HIVEP3: variants seen among roughly 807,000 people sequenced by gnomAD.
HIVEP3 encodes the protein transcription factor HIVEP3.
HIVEP3 carries 49 observed loss-of-function variants against 152.8 expected under a neutral mutation model. The observed-to-expected ratio is 0.32, with a 90% confidence interval of 0.26 to 0.41. HIVEP3 has a LOEUF of 0.41. HIVEP3 is among the 10% of genes least tolerant of loss of function. The probability of loss-of-function intolerance (pLI) is 1.00; values close to 1 mark genes in which losing one functional copy is unlikely to be tolerated. For missense variants in HIVEP3, 2,790 were observed against 3,103.3 expected, an observed-to-expected ratio of 0.90 and a Z score of 2.40; for synonymous variants, 1,269 against 1,289.0, an observed-to-expected ratio of 0.98 and a Z score of 0.33.
At chr1:41,963,074 C>T (rs556964359) in intron 1 of HIVEP3, among the ~76,000 whole-genome samples, 6 of 152,272 alleles carry the variant, frequency 3.9e-5, no homozygotes, top group Admixed American at 6.5e-5. Flanking sequence ...TGCAGTGGCG[C>T]GATCTCGGCT....
At chr1:42,007,115 A>T (rs911196952) in intron 1 of HIVEP3, among the ~76,000 whole-genome samples, 6 of 152,240 alleles carry the variant, frequency 3.9e-5, no homozygotes, top group Non-Finnish European at 5.9e-5. Flanking sequence ...GAGCTGAGTC[A>T]GTCAAGTATT....
At chr1:41,967,364 C>T (rs1246923076) in intron 1 of HIVEP3, among the ~76,000 whole-genome samples, 4 of 152,162 alleles carry the variant, frequency 2.6e-5, no homozygotes, top group Non-Finnish European at 4.4e-5. Context: ...CAGATCATAG[C>T]GCCATCAAAT....
chr1:41,726,480 G>A (rs375233436), intron 1 of HIVEP3, among the ~76,000 whole-genome samples: 13 of 152,176 alleles, frequency 8.5e-5, no homozygotes, highest in East Asian at 7.7e-4. Flanking sequence ...TTACACACCC[G>A]CTCATGTTAA....
At position 41,533,663 on chromosome 1, in the gene HIVEP3, G is replaced by T. The variant is rs1173435445; in HGVS notation, c.5208-8753C>A. On this transcript the variant is annotated intron_variant, in intron 5 of 8. Transcript: ENST00000372583. This position sits in a 1 kb window ranked among gnomAD's most constrained non-coding sequence, Gnocchi z 4.3. The stretch of plus-strand genomic sequence containing the variant: ...AGGCACCTCATTCCCTCCTGCTTGT[G>T]TCTCCTTTGCAAGCTCCTTTTTTGC... Among the ~76,000 whole-genome samples the T allele has an allele frequency of 6.6e-6, 1 of 151,794 alleles. No individual in the cohort carries two copies. The highest frequency in any genetic ancestry group is 2.0e-4 in the East Asian group (1 of 5,122).
chr1:41,581,553 T>C lies in HIVEP3; in HGVS notation c.3245A>G (p.Lys1082Arg). The C allele has an allele frequency of 6.2e-7, 1 of 1,604,590 alleles. No individual in the cohort carries two copies. Among genetic ancestry groups the C allele is most frequent in the Non-Finnish European group, 8.5e-7 (1 of 1,175,962 alleles). ...AGAGGAAATCTGGGACAATGAGCTT[T>C]TGGCAGAGGGTTTACTGGATGAGGG... is the stretch of plus-strand genomic sequence containing the variant. Reference protein sequence around the residue: ...PQPSSSKPSAKSSLSQISSAA... With the variant: ...PQPSSSKPSARSSLSQISSAA... The change falls in exon 4 of 9, where the codon AAA (lysine) becomes AGA (arginine). Residue 1082 changes from lysine to arginine, a missense_variant. Transcript: ENST00000372583. This position sits in a 1 kb window ranked among gnomAD's most constrained non-coding sequence, Gnocchi z 4.5.
At chr1:41,651,766 T>C (rs1040216007) in intron 2 of HIVEP3, among the ~76,000 whole-genome samples, 2 of 152,248 alleles carry the variant, frequency 1.3e-5, no homozygotes, top group Non-Finnish European at 2.9e-5. Flanking sequence ...AGATCTTCTC[T>C]ATTTTTTAAA....
At chr1:41,903,881 G>C (rs1165192754) in intron 1 of HIVEP3, among the ~76,000 whole-genome samples, 2 of 151,418 alleles carry the variant, frequency 1.3e-5, no homozygotes, top group Non-Finnish European at 2.9e-5. Context: ...TGGAGCCAGT[G>C]CTGACCATTT....
At chr1:41,848,903 C>T (rs1643517525) in intron 1 of HIVEP3, 1 of 152,698 alleles carries the variant, frequency 6.5e-6, no homozygotes, top group African/African-American at 2.4e-5. Context: ...GCCTCCAGCT[C>T]CAGCTCTTCT....
chr1:41,789,083 C>T (rs1202758671), intron 1 of HIVEP3, among the ~76,000 whole-genome samples: 1 of 152,214 alleles, frequency 6.6e-6, no homozygotes, highest in Non-Finnish European at 1.5e-5. Context: ...AGGCACCCTC[C>T]TTGGACACCG....
At chr1:41,836,178 C>T (rs912074445) in intron 1 of HIVEP3, among the ~76,000 whole-genome samples, 5 of 152,208 alleles carry the variant, frequency 3.3e-5, no homozygotes, top group South Asian at 2.1e-4. Flanking sequence ...TCAGGAGAGA[C>T]GTCAAGGACT....
intron 1 of HIVEP3, among the ~76,000 whole-genome samples, chr1:41,851,405 C>T (rs1339308642): frequency 7.2e-6 from 1 of 139,422 alleles, no homozygotes; most frequent in Non-Finnish European, 1.5e-5. Flanking sequence ...TGGATTCAAG[C>T]AATTCTCCTG....
intron 1 of HIVEP3, among the ~76,000 whole-genome samples, chr1:41,932,159 A>G (rs1189998817): frequency 6.6e-6 from 1 of 150,930 alleles, no homozygotes; most frequent in African/African-American, 2.5e-5. Context: ...TGAATAGATG[A>G]TTAATTTTTA....
chr1:41,901,080 TAGG>T lies in HIVEP3; in HGVS notation c.-801+17330_-801+17332del, dbSNP rs558825337. Among the ~76,000 whole-genome samples, 134 of 151,666 alleles carry T rather than the reference TAGG, an allele frequency of 8.8e-4. 1 individual carries two copies. Among genetic ancestry groups the T allele is most frequent in the African/African-American group, 3.2e-3 (131 of 41,304 alleles). On this transcript the variant is annotated intron_variant, in intron 1 of 8. Transcript: ENST00000372583. ...GTGGATGGATTCATGCACTCGTCCT[TAGG>T]AGGAGGAATGCACAGGACTTGGTGA...
intron 5 of HIVEP3, among the ~76,000 whole-genome samples, chr1:41,553,223 T>G (rs1426594895): frequency 6.6e-6 from 1 of 152,260 alleles, no homozygotes; most frequent in African/African-American, 2.4e-5. Context: ...TAGCTCTTCT[T>G]GTTGAATTGA....
chr1:41,696,833 T>A (rs950634591), intron 2 of HIVEP3, among the ~76,000 whole-genome samples: 81 of 152,292 alleles, frequency 5.3e-4, no homozygotes, highest in South Asian at 2.1e-4. Flanking sequence ...TGTGGAATAG[T>A]AGGTGAATTT....
intron 1 of HIVEP3, among the ~76,000 whole-genome samples, chr1:41,886,487 C>A (rs895489564): frequency 6.6e-6 from 1 of 151,894 alleles, no homozygotes; most frequent in African/African-American, 2.4e-5. Context: ...CCGAGGCAGG[C>A]GGATCCTCTG....
chr1:41,918,003 C>G lies in HIVEP3; in HGVS notation c.-801+410G>C, dbSNP rs1469535916. Among the ~76,000 whole-genome samples the G allele has an allele frequency of 6.6e-6, 1 of 152,226 alleles. No homozygotes were observed. The highest frequency in any genetic ancestry group is 1.5e-5 in the Non-Finnish European group (1 of 68,036). Reference sequence around the variant, plus strand: ...CCACGGAACGCGATGCCTAAGCCCCCCAGCCGAGGCTCCTATGGAGCCGGC... The same window carrying G: ...CCACGGAACGCGATGCCTAAGCCCCGCAGCCGAGGCTCCTATGGAGCCGGC... On this transcript the variant is annotated intron_variant, in intron 1 of 8. Coordinates refer to ENST00000372583, the MANE Select transcript of HIVEP3 (RefSeq NM_024503.5). The surrounding 1 kb of genome is among the most constrained non-coding windows in gnomAD (Gnocchi z 4.3).
intron 1 of HIVEP3, among the ~76,000 whole-genome samples, chr1:41,824,984 T>C (rs1199013138): frequency 6.6e-6 from 1 of 151,970 alleles, no homozygotes; most frequent in Non-Finnish European, 1.5e-5. Context: ...GTGATTCTCC[T>C]GCCTTGGCCT....
Position 41,628,841 on chromosome 1 carries a change from C to T in HIVEP3, c.-614G>A. 1 of 1,231,858 alleles carries T rather than the reference C, an allele frequency of 8.1e-7. No individual in the cohort carries two copies. Among genetic ancestry groups the T allele is most frequent in the Non-Finnish European group, 1.0e-6 (1 of 987,888 alleles). The allele number at this position is 1,231,858 out of a possible 1,614,324, so 76.3% of individuals were successfully genotyped here. ...TGTCCACTCCTACGGCAGCCACCCT[C>T]CACCTAGGCGCCGCTCTTCCCACCA... On this transcript the variant is annotated 5_prime_UTR_variant, in exon 3 of 9. Coordinates refer to ENST00000372583, the MANE Select transcript of HIVEP3 (RefSeq NM_024503.5).
Sources: gnomAD v4.1 joint callset for allele counts (sites outside exome capture counted in the v4.1 genomes callset) on GRCh38, gnomAD v4.1.1 for gene constraint, Gnocchi (gnomAD v3.1) non-coding constraint, MANE v1.5 for transcripts, NCBI Gene and HGNC (gene_info 2026-07-23, HGNC 2026-07-21) for gene names.